KCNH5: variants seen among roughly 807,000 people sequenced by gnomAD.
KCNH5 encodes the protein voltage-gated delayed rectifier potassium channel KCNH5.
A neutral mutation model predicts 96.1 loss-of-function variants in KCNH5; 46 were observed. That is an observed-to-expected ratio of 0.48 (90% CI 0.38 to 0.61). The LOEUF (loss-of-function observed/expected upper bound fraction) is 0.61. Ranked by LOEUF, KCNH5 falls within the 20% of genes least tolerant of loss-of-function variation. KCNH5 has a pLI of 0.00. For missense variants in KCNH5, 907 were observed against 1,225.8 expected (o/e 0.74, Z 3.88); for synonymous variants, 439 against 449.8 (o/e 0.98, Z 0.30).
intron 7 of KCNH5, among the ~76,000 whole-genome samples, chr14:62,898,390 T>C (rs1888857237): frequency 6.6e-6 from 1 of 152,074 alleles, no homozygotes; most frequent in Non-Finnish European, 1.5e-5. Context: ...CATTAAGATA[T>C]CTAAAGAAAT....
intron 6 of KCNH5, among the ~76,000 whole-genome samples, chr14:62,973,611 G>A (rs1432460064): frequency 6.6e-6 from 1 of 152,172 alleles, no homozygotes; most frequent in African/African-American, 2.4e-5. Flanking sequence ...CTCCAGAGCT[G>A]TGAGAAATAA....
intron 6 of KCNH5, among the ~76,000 whole-genome samples, chr14:62,968,862 T>G (rs192050144): frequency 6.6e-6 from 1 of 152,318 alleles, no homozygotes; most frequent in East Asian, 1.9e-4. Flanking sequence ...TAAAGATCTT[T>G]GCTGGATTTG....
rs939845921 is a variant in KCNH5, at chr14:62,702,258, T to C, written c.*5250A>G. The C allele has an allele frequency of 2.6e-5, 4 of 152,204 alleles. No homozygotes were observed. Among genetic ancestry groups the C allele is most frequent in the African/African-American group, 9.6e-5 (4 of 41,564 alleles). 9.4% of individuals were successfully genotyped at this position (152,204 alleles called of 1,614,324 possible). A position where few individuals can be genotyped will look rare whatever the true frequency, so the allele number is the denominator to read the frequency against. On this transcript the variant is annotated 3_prime_UTR_variant, in exon 11 of 11. Transcript: ENST00000322893. ...ACTGTTGGGACAGGGCACCTTTTGCTTAAGACAGTATGATTTCAAACTCTG... is the reference window on the plus strand; with the variant it reads ...ACTGTTGGGACAGGGCACCTTTTGCCTAAGACAGTATGATTTCAAACTCTG...
At chr14:62,918,099 G>C (rs1376769732) in intron 7 of KCNH5, among the ~76,000 whole-genome samples, 1 of 152,042 alleles carries the variant, frequency 6.6e-6, no homozygotes, top group East Asian at 1.9e-4. Flanking sequence ...ATGAGCCATG[G>C]GAAGTTTAAG....
In KCNH5 at chr14:62,895,100, T is replaced by C. The variant is rs1430868967; in HGVS notation, c.1370-45248A>G. The stretch of plus-strand genomic sequence containing the variant: ...TAATATATAATTCCCATGTGCTCAA[T>C]TAACTCTTAGTAAGCCTTTAAGCTT... On this transcript the variant is annotated intron_variant, in intron 7 of 10. Coordinates refer to ENST00000322893, the MANE Select transcript of KCNH5 (RefSeq NM_139318.5). Among the ~76,000 whole-genome samples the C allele has an allele frequency of 2.0e-5, 3 of 152,226 alleles. No homozygotes were observed. The South Asian group carries it at 6.2e-4, about 32-fold the overall frequency.
At chr14:62,982,427 A>C (rs1890628132) in intron 5 of KCNH5, among the ~76,000 whole-genome samples, 2 of 152,214 alleles carry the variant, frequency 1.3e-5, no homozygotes, top group Admixed American at 1.3e-4. Flanking sequence ...TGGTAAATGG[A>C]AATTTTTAAA....
At chr14:62,730,512 A>G (rs1885026394) in intron 10 of KCNH5, among the ~76,000 whole-genome samples, 1 of 152,194 alleles carries the variant, frequency 6.6e-6, no homozygotes, top group Admixed American at 6.5e-5. Context: ...TAACATACTA[A>G]TCAATTTGCA....
intron 1 of KCNH5, among the ~76,000 whole-genome samples, chr14:63,020,753 ACTGTG>A (rs1282248670): frequency 6.6e-6 from 1 of 152,170 alleles, no homozygotes; most frequent in Non-Finnish European, 1.5e-5. Context: ...AATTCATTGA[ACTGTG>A]CAGTTAAGAT....
chr14:62,811,228 A>G (rs1020030795), intron 8 of KCNH5, among the ~76,000 whole-genome samples: 3 of 152,160 alleles, frequency 2.0e-5, no homozygotes, highest in African/African-American at 7.2e-5. Flanking sequence ...CTCTTAGTGA[A>G]ACACATATAT....
chr14:62,906,058 T>C (rs1889020652), intron 7 of KCNH5, among the ~76,000 whole-genome samples: 1 of 152,258 alleles, frequency 6.6e-6, no homozygotes, highest in African/African-American at 2.4e-5. Flanking sequence ...GCAATGAATA[T>C]AGTTCTATTC....
rs1276762588 is a variant in KCNH5, at chr14:63,045,146, G to A, written c.41C>T (p.Thr14Ile). 6.2e-7 allele frequency: 1 copy of A among 1,613,796 alleles called. No homozygotes were observed. Among genetic ancestry groups the A allele is most frequent in the African/African-American group, 1.3e-5 (1 of 74,914 alleles). The change falls in exon 1 of 11, where the codon ACA (threonine) becomes ATA (isoleucine). Residue 14 changes from threonine (T) to isoleucine (I), a missense_variant. Transcript: ENST00000322893. ...GKRGLVAPQN[T>I]FLENIVRRSS... ...GCGCCTGACGATGTTCTCCAAAAAT[G>A]TGTTCTGCGGTGCCACCAGCCCTCT...
intron 9 of KCNH5, among the ~76,000 whole-genome samples, chr14:62,783,578 A>G (rs1886262041): frequency 6.6e-6 from 1 of 152,182 alleles, no homozygotes. Context: ...TTGTTTTCAT[A>G]TATGGTACAC....
At chr14:62,897,699 A>AAC (rs1555362407) in intron 7 of KCNH5, among the ~76,000 whole-genome samples, 1 of 152,146 alleles carries the variant, frequency 6.6e-6, no homozygotes, top group Non-Finnish European at 1.5e-5. Flanking sequence ...AAAAAGGAAG[A>AAC]ACACAGTTAG....
chr14:62,972,721 C>T (rs1026814969), intron 6 of KCNH5, among the ~76,000 whole-genome samples: 105 of 151,864 alleles, frequency 6.9e-4, no homozygotes, highest in African/African-American at 2.5e-3. Context: ...ACAGAGGAAC[C>T]TTAAATGCCT....
intron 10 of KCNH5, among the ~76,000 whole-genome samples, chr14:62,761,814 C>T (rs112108496): frequency 3.2e-4 from 48 of 152,222 alleles, no homozygotes; most frequent in Non-Finnish European, 4.9e-4. Context: ...CACCAACATA[C>T]TAGAGCATCA....
intron 8 of KCNH5, among the ~76,000 whole-genome samples, chr14:62,840,395 A>T (rs17100446): frequency 0.11 from 16,337 of 151,998 alleles, 1,105 homozygotes; most frequent in East Asian, 0.29. Flanking sequence ...GAGGAAGCCA[A>T]CAGGTTGCAT....
intron 4 of KCNH5, among the ~76,000 whole-genome samples, chr14:62,987,450 T>C (rs1890731813): frequency 2.6e-5 from 4 of 152,214 alleles, no homozygotes. Context: ...CAACTAGCTA[T>C]CCACAAAATT....
chr14:62,781,968 G>A (rs145967313), intron 9 of KCNH5, among the ~76,000 whole-genome samples: 12 of 152,316 alleles, frequency 7.9e-5, no homozygotes, highest in Admixed American at 6.5e-4. Flanking sequence ...TTGCAGTAAA[G>A]ACAGGAATAA....
At chr14:62,709,305 G>A (rs7149501) in intron 10 of KCNH5, among the ~76,000 whole-genome samples, 136,524 of 150,138 alleles carry the variant, frequency 0.91, 63,209 homozygotes, top group East Asian at 1. Context: ...CAGGCTATAA[G>A]TGTACTGAAA....
Sources: allele counts gnomAD v4.1 joint callset (sites outside exome capture counted in the v4.1 genomes callset), GRCh38; gene constraint gnomAD v4.1.1; transcripts MANE v1.5; gene names NCBI Gene and HGNC (gene_info 2026-07-23, HGNC 2026-07-21).